TAMM41: variants seen among roughly 807,000 people sequenced by gnomAD.
TAMM41 encodes the protein phosphatidate cytidylyltransferase, mitochondrial.
A neutral mutation model predicts 44.1 loss-of-function variants in TAMM41; 36 were observed. The observed-to-expected ratio is 0.82, with a 90% CI of 0.63 to 1.08. The LOEUF (loss-of-function observed/expected upper bound fraction) is 1.08. Among genes scored for constraint, TAMM41 ranks in the 50% least tolerant of loss-of-function variants. The pLI, the probability that TAMM41 is intolerant of heterozygous loss-of-function variation, is 0.00. For missense variants in TAMM41, 417 were observed against 404.3 expected, an observed-to-expected ratio of 1.03 and a Z score of -0.27; for synonymous variants, 164 against 153.1, an observed-to-expected ratio of 1.07 and a Z score of -0.53.
intron 4 of TAMM41, among the ~76,000 whole-genome samples, chr3:11,821,535 C>T (rs1309310327): frequency 6.6e-6 from 1 of 152,188 alleles, no homozygotes; most frequent in Non-Finnish European, 1.5e-5. Context: ...AAATGAAGCT[C>T]GCCCACCACT....
chr3:11,769,177 CCTGA>C, the TAMM41 span, among the ~76,000 whole-genome samples: 1 of 152,168 alleles, frequency 6.6e-6, no homozygotes, highest in African/African-American at 2.4e-5. Context: ...CAACCTCTAA[CCTGA>C]CGGGTTCAAG....
chr3:11,817,124 CCT>C (rs773579243), intron 5 of TAMM41, 66 bp downstream of exon 5: 16 of 1,538,752 alleles, frequency 1.0e-5, no homozygotes, highest in Admixed American at 7.2e-5. Context: ...CTGTTCTACC[CCT>C]GACTTTCTTC....
chr3:11,844,642 C>T lies in TAMM41; in HGVS notation c.136-431G>A, dbSNP rs138426171. ...AACCACTGCACTACACTGCCTTTCA[C>T]AAATGTAGCTAAATGTGCTCCGCTT... On this transcript the variant is annotated intron_variant, in intron 1 of 7. Coordinates refer to ENST00000455809, the MANE Select transcript of TAMM41 (RefSeq NM_001284401.2). Among the ~76,000 whole-genome samples, 507 of 152,312 alleles carry T rather than the reference C, an allele frequency of 3.3e-3. 2 individuals are homozygous for T. The highest frequency in any genetic ancestry group is 0.017 in the Middle Eastern group (5 of 294).
At chr3:11,817,075 C>T in intron 5 of TAMM41, 117 bp downstream of exon 5, 1 of 1,114,784 alleles carries the variant, frequency 9.0e-7, no homozygotes, top group Non-Finnish European at 1.3e-6. Context: ...ACATACAGTA[C>T]TTACTTTTTA....
chr3:11,761,443 G>A, the TAMM41 span, among the ~76,000 whole-genome samples: 1 of 151,990 alleles, frequency 6.6e-6, no homozygotes, highest in Non-Finnish European at 1.5e-5. Flanking sequence ...TTGAGTCTCT[G>A]TTGGTGCCTG....
the TAMM41 span, among the ~76,000 whole-genome samples, chr3:11,754,856 G>T: frequency 1.3e-5 from 2 of 151,548 alleles, no homozygotes; most frequent in Admixed American, 6.6e-5. Flanking sequence ...GAGCCACCAT[G>T]CCCGGCTAAT....
At chr3:11,846,252 G>A (rs2079681765) in intron 1 of TAMM41, among the ~76,000 whole-genome samples, 1 of 152,250 alleles carries the variant, frequency 6.6e-6, no homozygotes, top group Non-Finnish European at 1.5e-5. Flanking sequence ...ATTTGCCCCT[G>A]CAGCAGTTTT....
At chr3:11,761,799 T>C in the TAMM41 span, among the ~76,000 whole-genome samples, 1 of 151,434 alleles carries the variant, frequency 6.6e-6, no homozygotes. Flanking sequence ...ATACAAAAAT[T>C]AGCCGTGCGT....
the TAMM41 span, among the ~76,000 whole-genome samples, chr3:11,729,539 A>ATTT: frequency 2.6e-3 from 85 of 32,276 alleles, 11 homozygotes; most frequent in East Asian, 7.9e-3. Flanking sequence ...TCTTTCTTTC[A>ATTT]TTTTTTTTTT....
At chr3:11,843,043 G>A (rs1171775988) in intron 2 of TAMM41, among the ~76,000 whole-genome samples, 1 of 152,186 alleles carries the variant, frequency 6.6e-6, no homozygotes, top group Non-Finnish European at 1.5e-5. Context: ...CAACTTACCT[G>A]CTCTCCAACA....
chr3:11,813,581 G>A (rs2078159297), intron 5 of TAMM41, among the ~76,000 whole-genome samples: 1 of 152,188 alleles, frequency 6.6e-6, no homozygotes, highest in South Asian at 2.1e-4. Context: ...TAATCCTATA[G>A]TCAAGCCCAC....
chr3:11,786,315 TA>T (rs1360610121), downstream of TAMM41, among the ~76,000 whole-genome samples: 1,919 of 142,632 alleles, frequency 0.013, 55 homozygotes, highest in African/African-American at 0.046. Flanking sequence ...TTATTATTAT[TA>T]TTTTTTGAGA....
At chr3:11,846,416 G>A (rs2079693689) in intron 1 of TAMM41, 86 bp downstream of exon 1, 1 of 1,483,672 alleles carries the variant, frequency 6.7e-7, no homozygotes, top group Non-Finnish European at 9.3e-7. Flanking sequence ...GAGCGGACAG[G>A]CAGCTCTCCG....
chr3:11,759,081 A>ATTTAAGAGCAATAATT, the TAMM41 span, among the ~76,000 whole-genome samples: 1 of 152,180 alleles, frequency 6.6e-6, no homozygotes, highest in Non-Finnish European at 1.5e-5. Flanking sequence ...CCCATTAATT[A>ATTTAAGAGCAATAATT]TTTAAGAGCA....
rs763439520 is a variant in TAMM41, at chr3:11,839,307, T to G, written c.326A>C (p.Lys109Thr). 4 of 1,607,860 alleles carry G rather than the reference T, an allele frequency of 2.5e-6. No homozygotes were observed. In the Admixed American group the frequency reaches 5.0e-5, roughly 20 times the overall value. ...AACGTTAGTGCTAATAACTCCATAT[T>G]TGATAAGCTGAAGGAAAAAAGAAAT... ...SLIMCNGRLI[K>T]YGVISTNVLI... The change falls in exon 3 of 8, where the codon AAA becomes ACA. Residue 109 changes from lysine (K) to threonine (T), a missense_variant. Transcript: ENST00000455809.
At chr3:11,775,475 T>A in the TAMM41 span, among the ~76,000 whole-genome samples, 1 of 152,134 alleles carries the variant, frequency 6.6e-6, no homozygotes, top group African/African-American at 2.4e-5. Context: ...TGCAGTCACA[T>A]CTCCAACACT....
the TAMM41 span, among the ~76,000 whole-genome samples, chr3:11,768,141 T>C: frequency 5.2e-5 from 5 of 95,864 alleles, no homozygotes; most frequent in East Asian, 1.1e-3. Context: ...TGGAAAACTT[T>C]TTTGTTTTTT....
In TAMM41 at chr3:11,809,125, A is replaced by G. The variant is rs372501563; in HGVS notation, c.874+392T>C. On this transcript the variant is annotated intron_variant, in intron 6 of 7. Transcript: ENST00000455809. ...ACTCAACAATGTATGAGACACATCA[A>G]ATGGAGTTGATTGAGGAAAGCTGTG... 7.5e-5 allele frequency: 22 copies of G among 294,978 alleles called. No homozygotes were observed. The East Asian group carries it at 8.6e-4, about 11-fold the overall frequency. The allele number at this position is 294,978 out of a possible 1,614,324, so 18.3% of individuals were successfully genotyped here. A position where few individuals can be genotyped will look rare whatever the true frequency, so the allele number is the denominator to read the frequency against.
intron 5 of TAMM41, among the ~76,000 whole-genome samples, chr3:11,815,072 G>A (rs1037064574): frequency 3.3e-5 from 5 of 152,154 alleles, no homozygotes; most frequent in Admixed American, 3.3e-4. Context: ...CCTAGAATTT[G>A]ATATCTAGCC....
Sources: allele counts gnomAD v4.1 joint callset (sites outside exome capture counted in the v4.1 genomes callset), GRCh38; gene constraint gnomAD v4.1.1; transcripts MANE v1.5; gene names NCBI Gene and HGNC (gene_info 2026-07-23, HGNC 2026-07-21).